The following PRKCE variants were observed in gnomAD, a reference collection of about 807,000 sequenced individuals.
PRKCE encodes protein kinase C epsilon type.
In PRKCE, 16 loss-of-function variants were observed where a neutral mutation model predicts 85.4. The ratio of observed to expected loss-of-function variants is 0.19; its 90% CI spans 0.13 to 0.28. The LOEUF is 0.28. PRKCE is among the 10% of genes least tolerant of loss of function. PRKCE has a pLI of 1.00. For synonymous variants in PRKCE, 388 were observed against 371.5 expected, an observed-to-expected ratio of 1.04 and a Z score of -0.51; for missense variants, 573 against 975.2, an observed-to-expected ratio of 0.59 and a Z score of 5.49.
In PRKCE at chr2:46,185,890, G is replaced by T. The variant is rs1255882748; in HGVS notation, c.*1009G>T. The T allele has an allele frequency of 6.6e-6, 1 of 152,226 alleles. No individual in the cohort carries two copies. The highest frequency in any genetic ancestry group is 1.9e-4 in the East Asian group (1 of 5,202). 9.4% of individuals were successfully genotyped at this position (152,226 alleles called of 1,614,324 possible). ...TAAACACTATTTATTTTCTGCAGCAGTGTGTTATTTTTGCGCACTTATACA... is the reference window on the plus strand; with the variant it reads ...TAAACACTATTTATTTTCTGCAGCATTGTGTTATTTTTGCGCACTTATACA... On this transcript the variant is annotated 3_prime_UTR_variant, in exon 15 of 15. Coordinates refer to ENST00000306156, the MANE Select transcript of PRKCE (RefSeq NM_005400.3). This position sits in a 1 kb window ranked among gnomAD's most constrained non-coding sequence, Gnocchi z 4.7.
chr2:46,115,161 TG>T (rs1672648627), intron 11 of PRKCE, among the ~76,000 whole-genome samples: 1 of 152,178 alleles, frequency 6.6e-6, no homozygotes, highest in African/African-American at 2.4e-5. Context: ...TGGATTAAGG[TG>T]GCAGGGAAGT....
intron 2 of PRKCE, among the ~76,000 whole-genome samples, chr2:45,941,991 G>T (rs962680556): frequency 4.6e-5 from 7 of 152,154 alleles, no homozygotes; most frequent in Non-Finnish European, 1.0e-4. Context: ...TTCTGAGTTG[G>T]CTCCATCTTT....
intron 1 of PRKCE, among the ~76,000 whole-genome samples, chr2:45,782,699 C>A (rs1471741900): frequency 2.6e-5 from 4 of 152,094 alleles, no homozygotes; most frequent in Non-Finnish European, 5.9e-5. Context: ...CAGCTAGAAA[C>A]TGAGTTGAGA....
At chr2:45,922,629 C>T (rs1698334208) in intron 2 of PRKCE, among the ~76,000 whole-genome samples, 1 of 152,218 alleles carries the variant, frequency 6.6e-6, no homozygotes, top group Non-Finnish European at 1.5e-5. Flanking sequence ...CCAATCTCTG[C>T]CCAGCAGCAA....
At chr2:46,108,135 C>T (rs750147100) in intron 11 of PRKCE, among the ~76,000 whole-genome samples, 1 of 152,024 alleles carries the variant, frequency 6.6e-6, no homozygotes, top group Non-Finnish European at 1.5e-5. Flanking sequence ...GCTCTGTTGC[C>T]CAGGCGGGTC....
In PRKCE at chr2:46,069,432, T is replaced by A. The variant is rs114350306; in HGVS notation, c.1438-16776T>A. 3.9e-3 allele frequency among the ~76,000 whole-genome samples: 598 copies of A among 152,192 alleles called. 8 individuals carry two copies. The highest frequency in any genetic ancestry group is 0.014 in the African/African-American group (573 of 41,520). ...AAAGTATATACTTTGCAAAAAAAAA[T>A]ACTCCAATCAACAATAAGAACAACT... On this transcript the variant is annotated intron_variant, in intron 10 of 14. Transcript: ENST00000306156.
Position 46,055,654 on chromosome 2 carries a change from A to C in PRKCE, c.1438-30554A>C, listed in dbSNP as rs1666507285. Reference sequence around the variant, plus strand: ...AGTCCTGGATCTGCCCTTTGGAAAAATGCTAAGTCTAATTTTTTTTTTTTG... The same window carrying C: ...AGTCCTGGATCTGCCCTTTGGAAAACTGCTAAGTCTAATTTTTTTTTTTTG... On this transcript the variant is annotated intron_variant, in intron 10 of 14. Coordinates refer to ENST00000306156, the MANE Select transcript of PRKCE (RefSeq NM_005400.3). Among the ~76,000 whole-genome samples, 5 of 151,896 alleles carry C rather than the reference A, an allele frequency of 3.3e-5. No homozygotes were observed. In the South Asian group the frequency reaches 1.0e-3, roughly 32 times the overall value.
At chr2:46,008,055 C>T (rs544843335) in intron 9 of PRKCE, among the ~76,000 whole-genome samples, 8 of 152,134 alleles carry the variant, frequency 5.3e-5, no homozygotes, top group East Asian at 1.9e-4. Flanking sequence ...GTTATGAAGA[C>T]TTTGAGAATG....
chr2:45,728,983 C>G (rs1681327474), intron 1 of PRKCE, among the ~76,000 whole-genome samples: 1 of 152,180 alleles, frequency 6.6e-6, no homozygotes, highest in South Asian at 2.1e-4. Context: ...CCAAGTGAGG[C>G]TGCCTCTATT....
chr2:46,115,025 AG>A (rs1194842987), intron 11 of PRKCE, among the ~76,000 whole-genome samples: 1 of 152,198 alleles, frequency 6.6e-6, no homozygotes, highest in African/African-American at 2.4e-5. Context: ...AGTCCCATGA[AG>A]GTGTCCAACC....
intron 10 of PRKCE, chr2:46,073,305 C>T (rs1668234385): frequency 6.6e-6 from 1 of 152,240 alleles, no homozygotes; most frequent in Non-Finnish European, 1.5e-5. Context: ...CTTGCTGTAA[C>T]TTCTACCCAC....
At position 45,905,367 on chromosome 2, in the gene PRKCE, C is replaced by T. The variant is rs1376903318; in HGVS notation, c.412+62304C>T. On this transcript the variant is annotated intron_variant, in intron 2 of 14. Coordinates refer to ENST00000306156, the MANE Select transcript of PRKCE (RefSeq NM_005400.3). This position sits in a 1 kb window ranked among gnomAD's most constrained non-coding sequence, Gnocchi z 4.4. ...TCCATTAGATTCCACAATCAATATC[C>T]AGCTTCTAAACATTATACATATTGA... 1.3e-5 allele frequency among the ~76,000 whole-genome samples: 2 copies of T among 152,204 alleles called. No homozygotes were observed. The highest frequency in any genetic ancestry group is 4.8e-5 in the African/African-American group (2 of 41,448).
intron 11 of PRKCE, among the ~76,000 whole-genome samples, chr2:46,122,491 G>A (rs1024951398): frequency 3.9e-5 from 6 of 152,124 alleles, no homozygotes; most frequent in African/African-American, 1.2e-4. Flanking sequence ...GCCTCCCAGA[G>A]TGCTGGGATT....
chr2:45,906,332 G>A (rs932209189), intron 2 of PRKCE, among the ~76,000 whole-genome samples: 3 of 152,216 alleles, frequency 2.0e-5, no homozygotes, highest in African/African-American at 7.2e-5. Flanking sequence ...ACAGGTTTCT[G>A]GAGGCAGGAA....
chr2:45,979,166 A>T (rs977391650), intron 4 of PRKCE, among the ~76,000 whole-genome samples, 156 bp downstream of exon 4: 7 of 152,108 alleles, frequency 4.6e-5, no homozygotes, highest in Admixed American at 4.6e-4. Flanking sequence ...TTCTGCATAT[A>T]TGGGAATATA....
intron 1 of PRKCE, among the ~76,000 whole-genome samples, chr2:45,728,447 T>C (rs1283353232): frequency 1.3e-5 from 2 of 152,140 alleles, no homozygotes; most frequent in African/African-American, 4.8e-5. Context: ...CCCCCAATAG[T>C]CCCATGCCCA....
intron 10 of PRKCE, among the ~76,000 whole-genome samples, chr2:46,043,568 C>G (rs961794304): frequency 6.6e-5 from 10 of 152,162 alleles, no homozygotes; most frequent in East Asian, 1.9e-4. Context: ...AAACATCCAC[C>G]AAGCTTCTTC....
intron 2 of PRKCE, among the ~76,000 whole-genome samples, chr2:45,847,129 G>C (rs1413671868): frequency 2.6e-5 from 4 of 152,178 alleles, no homozygotes; most frequent in Non-Finnish European, 4.4e-5. Context: ...CCTCAGTTTT[G>C]CCTATTGTCA....
At chr2:45,967,960 C>CG in intron 2 of PRKCE, among the ~76,000 whole-genome samples, 1 of 152,228 alleles carries the variant, frequency 6.6e-6, no homozygotes, top group South Asian at 2.1e-4. Context: ...AGAAAGAAGA[C>CG]CCCACAGCAC....
Sources: gnomAD v4.1 joint callset for allele counts (sites outside exome capture counted in the v4.1 genomes callset) on GRCh38, gnomAD v4.1.1 for gene constraint, Gnocchi (gnomAD v3.1) non-coding constraint, MANE v1.5 for transcripts, NCBI Gene and HGNC (gene_info 2026-07-23, HGNC 2026-07-21) for gene names.